Variants in AGBL2 observed in about 807,000 individuals in gnomAD.
The protein encoded by AGBL2 is cytosolic carboxypeptidase 2.
Under a neutral mutation model 103.0 loss-of-function variants are expected in AGBL2, and 87 were observed. The ratio of observed to expected loss-of-function variants is 0.84; its 90% confidence interval spans 0.71 to 1.01. The LOEUF (loss-of-function observed/expected upper bound fraction) is 1.01, where lower values mean the gene tolerates loss of function less well. Among genes scored for constraint, AGBL2 ranks in the 50% least tolerant of loss-of-function variants. The pLI, the probability that AGBL2 is intolerant of heterozygous loss-of-function variation, is 0.00. For missense variants in AGBL2, 904 were observed against 1,023.5 expected (o/e 0.88, Z 1.59); for synonymous variants, 335 against 356.7 (o/e 0.94, Z 0.69).
intron 8 of AGBL2, among the ~76,000 whole-genome samples, chr11:47,698,067 G>A (rs1346174905): frequency 6.6e-6 from 1 of 151,578 alleles, no homozygotes; most frequent in Non-Finnish European, 1.5e-5. Context: ...TCACCATGTT[G>A]GGCAGGCTGG....
chr11:47,700,875 C>T (rs2097495902), intron 7 of AGBL2, among the ~76,000 whole-genome samples: 1 of 151,584 alleles, frequency 6.6e-6, no homozygotes, highest in Non-Finnish European at 1.5e-5. Context: ...GCCTGGCCAA[C>T]ACGGTGAAAC....
chr11:47,704,497 A>C, intron 7 of AGBL2, 46 bp downstream of exon 7: 5 of 1,488,082 alleles, frequency 3.4e-6, no homozygotes, highest in Non-Finnish European at 1.8e-6. Flanking sequence ...AAAAAAAAAA[A>C]AAAGTCAGGC....
At chr11:47,712,792 C>A (rs139381860) in intron 3 of AGBL2, among the ~76,000 whole-genome samples, 1 of 152,092 alleles carries the variant, frequency 6.6e-6, no homozygotes. Context: ...GTAATCTTGG[C>A]ATTTTGGGAG....
chr11:47,714,270 G>A lies in AGBL2; in HGVS notation c.97+14C>T. The A allele has an allele frequency of 6.2e-7, 1 of 1,605,338 alleles. No homozygotes were observed. Among genetic ancestry groups the A allele is most frequent in the East Asian group, 2.2e-5 (1 of 44,824 alleles). On this transcript the variant is annotated intron_variant, in intron 3 of 18. Transcript: ENST00000525123. ...GTCCAGGAAAGGTGATACTAGATAA[G>A]AACATGGTATTACCTTTAAAGTAGC... is the stretch of plus-strand genomic sequence containing the variant.
chr11:47,707,361 G>A (rs1007003328), intron 4 of AGBL2, among the ~76,000 whole-genome samples: 2 of 152,152 alleles, frequency 1.3e-5, no homozygotes, highest in Admixed American at 1.3e-4. Flanking sequence ...AAAAGAAAGA[G>A]GTTTAATGGA....
intron 10 of AGBL2, among the ~76,000 whole-genome samples, chr11:47,687,869 G>A (rs528518579): frequency 2.0e-5 from 3 of 147,142 alleles, no homozygotes; most frequent in East Asian, 2.0e-4. Flanking sequence ...GTGCAGTGGC[G>A]TGATCTCGGC....
At chr11:47,697,691 G>A (rs1176173281) in intron 8 of AGBL2, among the ~76,000 whole-genome samples, 4 of 151,162 alleles carry the variant, frequency 2.6e-5, no homozygotes, top group Non-Finnish European at 5.9e-5. Flanking sequence ...GACTACAGGC[G>A]TGTGCCACCA....
At chr11:47,706,012 ACTCTGGACC>A in intron 4 of AGBL2, 95 bp from the exon 5 acceptor site, 2 of 944,614 alleles carry the variant, frequency 2.1e-6, no homozygotes, top group Non-Finnish European at 3.5e-6. Flanking sequence ...TCCTATGCTC[ACTCTGGACC>A]CCTGCATTTC....
Position 47,663,097 on chromosome 11 carries a change from T to C in AGBL2, c.2464A>G (p.Arg822Gly). 6.3e-7 allele frequency: 1 copy of C among 1,590,598 alleles called. No homozygotes were observed. Among genetic ancestry groups the C allele is most frequent in the African/African-American group, 1.4e-5 (1 of 73,436 alleles). Reference protein sequence around the residue: ...PRLNETNLNRRDKDTPLDPSM... With the variant: ...PRLNETNLNRGDKDTPLDPSM... The stretch of plus-strand genomic sequence containing the variant: ...GGGTCCAGGGGGGTGTCTTTGTCTC[T>C]TCTATTTAAATTTGTCTAAAATAAA... Residue 822 changes from arginine (R) to glycine (G), a missense_variant, in exon 18 of 19, where the codon AGA becomes GGA. Arg to Gly is a moderately radical substitution (Grantham distance 125, BLOSUM62 -2). Coordinates refer to ENST00000525123, the MANE Select transcript of AGBL2 (RefSeq NM_024783.4).
Position 47,685,946 on chromosome 11 carries a change from A to G in AGBL2, c.1735T>C (p.Trp579Arg), listed in dbSNP as rs762757605. 6.2e-6 allele frequency: 10 copies of G among 1,613,996 alleles called. No individual in the cohort carries two copies. Among genetic ancestry groups the G allele is most frequent in the Admixed American group, 3.3e-5 (2 of 59,980 alleles). Residue 579 changes from tryptophan (W) to arginine (R), a missense_variant, in exon 11 of 19, where the codon TGG becomes CGG. Trp to Arg is a moderately radical substitution (Grantham distance 101, BLOSUM62 -3). Transcript: ENST00000525123. ...AAAGGAAAGACTCGTTCATGAAGCCAGTATTTGCGATTGTTGTTATTACAG... is the reference window on the plus strand; with the variant it reads ...AAAGGAAAGACTCGTTCATGAAGCCGGTATTTGCGATTGTTGTTATTACAG... ...YGCNNNNRKY[W>R]LHERVFPLML...
intron 8 of AGBL2, 148 bp from the exon 9 acceptor site, chr11:47,692,404 CTTTTTTTTTTTTT>C (rs11286504): frequency 1.2e-4 from 12 of 97,784 alleles, no homozygotes; most frequent in African/African-American, 5.0e-4. Context: ...GACTTTTAAT[CTTTTTTTTTTTTT>C]TTTTTTTTTT....
In AGBL2 at chr11:47,690,481, G is replaced by C; in HGVS notation, c.1226C>G (p.Ser409Ter). The change falls in exon 10 of 19, where the codon TCA becomes TGA. Residue 409 changes from serine (S) to a stop codon, truncating the protein, a stop_gained. Transcript: ENST00000525123. LOFTEE classifies it high-confidence loss of function. Reference protein sequence around the residue: ...TYTDLQCYLLSVANNPIQSQF... With the variant: ...TYTDLQCYLL The stretch of plus-strand genomic sequence containing the variant: ...AGACTGGATAGGGTTGTTTGCCACT[G>C]ACAGGAGGTAGCATTGCAAATCAGT... 1 of 1,614,130 alleles carries C rather than the reference G, an allele frequency of 6.2e-7. No individual in the cohort carries two copies. Among genetic ancestry groups the C allele is most frequent in the East Asian group, 2.2e-5 (1 of 44,876 alleles).
intron 13 of AGBL2, among the ~76,000 whole-genome samples, chr11:47,679,089 A>G (rs1565028455): frequency 8.8e-6 from 1 of 113,312 alleles, no homozygotes; most frequent in Non-Finnish European, 2.1e-5. Flanking sequence ...AAAAAAAAAA[A>G]GAAAAGACAC....
chr11:47,694,026 A>G (rs2097457889), intron 8 of AGBL2, among the ~76,000 whole-genome samples: 2 of 152,012 alleles, frequency 1.3e-5, no homozygotes, highest in African/African-American at 4.8e-5. Context: ...GTCGTGTGAT[A>G]TACTCTGTAC....
rs541966412 is a variant in AGBL2 at position 47,693,575 on chromosome 11, C to T, written c.695-1319G>A. Among the ~76,000 whole-genome samples, 10 of 152,172 alleles carry T rather than the reference C, an allele frequency of 6.6e-5. No individual in the cohort carries two copies. In the South Asian group the frequency reaches 2.1e-3, roughly 32 times the overall value. On this transcript the variant is annotated intron_variant, in intron 8 of 18. Transcript: ENST00000525123. ...TGGACTCTCAGTTCTGTTTTAGTGACCTATATGCCTACCCTGTGTTAGGAT... is the reference window on the plus strand; with the variant it reads ...TGGACTCTCAGTTCTGTTTTAGTGATCTATATGCCTACCCTGTGTTAGGAT...
intron 14 of AGBL2, among the ~76,000 whole-genome samples, chr11:47,671,089 A>C (rs565871773): frequency 6.6e-6 from 1 of 152,246 alleles, no homozygotes; most frequent in African/African-American, 2.4e-5. Flanking sequence ...AGGATGAATG[A>C]AAACTTAAAT....
chr11:47,664,942 T>C (rs1486616841), intron 17 of AGBL2, among the ~76,000 whole-genome samples: 1 of 150,554 alleles, frequency 6.6e-6, no homozygotes, highest in African/African-American at 2.4e-5. Flanking sequence ...GGTGCAGTGG[T>C]AGGATCACAG....
chr11:47,692,053 A>T (rs1452720806), intron 9 of AGBL2, 50 bp downstream of exon 9: 25 of 1,504,004 alleles, frequency 1.7e-5, no homozygotes, highest in Non-Finnish European at 2.3e-5. Flanking sequence ...ATTACTGAAG[A>T]CACCTTCTAG....
At chr11:47,688,469 C>A (rs186169425) in intron 10 of AGBL2, among the ~76,000 whole-genome samples, 241 of 152,244 alleles carry the variant, frequency 1.6e-3, no homozygotes, top group Non-Finnish European at 2.8e-3. Flanking sequence ...CTACAAGGCT[C>A]AGCTCTTCTT....
Sources: allele counts gnomAD v4.1 joint callset (sites outside exome capture counted in the v4.1 genomes callset), GRCh38; gene constraint gnomAD v4.1.1; transcripts MANE v1.5; gene names NCBI Gene and HGNC (gene_info 2026-07-23, HGNC 2026-07-21).